The following GRIP2 variants were observed in gnomAD, a reference collection of about 807,000 sequenced individuals.
GRIP2 encodes the protein glutamate receptor interacting protein 2.
In GRIP2, 58 loss-of-function variants were observed where a neutral mutation model predicts 108.3. The observed-to-expected ratio is 0.54, with a 90% CI of 0.43 to 0.67. GRIP2 has a LOEUF of 0.67. GRIP2 is among the 30% of genes least tolerant of loss of function. The pLI, the probability that GRIP2 is intolerant of heterozygous loss-of-function variation, is 0.00. For missense variants in GRIP2, 1,278 were observed against 1,430.6 expected (o/e 0.89, Z 1.72); for synonymous variants, 586 against 598.2 (o/e 0.98, Z 0.30).
chr3:14,519,683 C>T (rs1169140321), intron 9 of GRIP2, among the ~76,000 whole-genome samples: 9 of 152,108 alleles, frequency 5.9e-5, no homozygotes, highest in Admixed American at 2.0e-4. Flanking sequence ...GCTCCCTGCT[C>T]ATAGCTGGGA....
the GRIP2 span, among the ~76,000 whole-genome samples, chr3:14,583,696 C>T: frequency 6.6e-6 from 1 of 152,226 alleles, no homozygotes. Flanking sequence ...CAGAGGCCTG[C>T]TTCTAAGCTA....
At chr3:14,576,747 G>A in the GRIP2 span, among the ~76,000 whole-genome samples, 3 of 152,228 alleles carry the variant, frequency 2.0e-5, no homozygotes, top group South Asian at 2.1e-4. Flanking sequence ...TCTTCAGGCC[G>A]TAGGTTCCAT....
upstream of GRIP2, chr3:14,542,140 C>G: frequency 1.8e-6 from 2 of 1,100,288 alleles, no homozygotes; most frequent in Non-Finnish European, 2.4e-6. Flanking sequence ...CTCTTTCTCT[C>G]TTTTTATTTT....
chr3:14,580,731 A>ATT, the GRIP2 span, among the ~76,000 whole-genome samples: 2 of 152,140 alleles, frequency 1.3e-5, no homozygotes, highest in African/African-American at 4.8e-5. Flanking sequence ...AAAAAACCCA[A>ATT]AAACCCACTT....
chr3:14,524,754 G>A (rs895970158), intron 3 of GRIP2, among the ~76,000 whole-genome samples: 1 of 152,154 alleles, frequency 6.6e-6, no homozygotes, highest in African/African-American at 2.4e-5. Context: ...TTCCCCCTTC[G>A]CTGGTCTGCC....
rs1258343872 is a variant in GRIP2 at position 14,506,960 on chromosome 3, A to C, written c.2239T>G (p.Ser747Ala). Reference sequence around the variant, plus strand: ...TCACTGGTCTCACTGAGGCTGCCCGACTTGCGGGGTAGGAGGGGACCTGGG... The same window carrying C: ...TCACTGGTCTCACTGAGGCTGCCCGCCTTGCGGGGTAGGAGGGGACCTGGG... ...QLDRPLLPRK[S>A]GSLSETSDAD... The change falls in exon 19 of 24, where the codon TCG (serine) becomes GCG (alanine). Residue 747 changes from serine to alanine, a missense_variant. Transcript: ENST00000621039. The C allele has an allele frequency of 6.2e-7, 1 of 1,605,384 alleles. No homozygotes were observed. The highest frequency in any genetic ancestry group is 1.3e-5 in the African/African-American group (1 of 74,788).
In GRIP2 at chr3:14,517,806, G is replaced by A. The variant is rs139277068; in HGVS notation, c.1122C>T (p.Thr374=). Residue 374 remains threonine, a synonymous_variant, in exon 10 of 24, where the codon ACC becomes ACT. Coordinates refer to ENST00000621039, the MANE Select transcript of GRIP2 (RefSeq NM_001080423.4). Reference sequence around the variant, plus strand: ...GGTCCTGGCCAGCAGGTGTGGCCCAGGTGGGCATCCTGCAGTGGCCGGGCC... The same window carrying A: ...GGTCCTGGCCAGCAGGTGTGGCCCAAGTGGGCATCCTGCAGTGGCCGGGCC... ...SPRPGHCRMP[T]WATPAGQDQS... 14,312 of 1,608,438 alleles carry A rather than the reference G, an allele frequency of 8.9e-3. 121 individuals are homozygous for A. The highest frequency in any genetic ancestry group is 0.019 in the Middle Eastern group (116 of 5,998).
rs894910491 is a variant in GRIP2, at chr3:14,507,589, G to A, written c.2190C>T (p.Val730=). Residue 730 remains valine, a synonymous_variant, in exon 18 of 24, where the codon GTC becomes GTT. Coordinates refer to ENST00000621039, the MANE Select transcript of GRIP2 (RefSeq NM_001080423.4). The surrounding 1 kb of genome is among the most constrained non-coding windows in gnomAD (Gnocchi z 4.6). ...IHLLQVAGET[V]TLKIKKQLDR... ...CTAGTTGCTTCTTGATCTTCAGTGT[G>A]ACGGTCTCTCCAGCCACCTGCAGGA... 6.2e-7 allele frequency: 1 copy of A among 1,613,972 alleles called. No homozygotes were observed. Among genetic ancestry groups the A allele is most frequent in the Non-Finnish European group, 8.5e-7 (1 of 1,179,836 alleles).
upstream of GRIP2, among the ~76,000 whole-genome samples, chr3:14,558,351 C>T (rs114859709): frequency 0.017 from 2,549 of 152,224 alleles, 80 homozygotes; most frequent in African/African-American, 0.058. Flanking sequence ...CTGGCTTAGC[C>T]CAGGGAGGGC....
chr3:14,599,711 GTT>G, the GRIP2 span, among the ~76,000 whole-genome samples: 58 of 148,604 alleles, frequency 3.9e-4, no homozygotes, highest in African/African-American at 1.3e-3. Flanking sequence ...GTGTGTGTGT[GTT>G]TGTGTGTGTG....
intron 1 of GRIP2, among the ~76,000 whole-genome samples, chr3:14,539,863 C>T (rs1694919318): frequency 6.6e-6 from 1 of 152,188 alleles, no homozygotes; most frequent in South Asian, 2.1e-4. Flanking sequence ...CTCACCACCA[C>T]CTTGCCCATG....
chr3:14,513,314 G>A (rs576633276), intron 13 of GRIP2, among the ~76,000 whole-genome samples: 1 of 152,320 alleles, frequency 6.6e-6, no homozygotes, highest in South Asian at 2.1e-4. Context: ...ACAGTGGAGG[G>A]AGTGTCCTGT....
chr3:14,568,247 G>A, the GRIP2 span, among the ~76,000 whole-genome samples: 1 of 152,212 alleles, frequency 6.6e-6, no homozygotes, highest in Non-Finnish European at 1.5e-5. Flanking sequence ...TGAGGAGGGA[G>A]TGAGGGTGGA....
the GRIP2 span, among the ~76,000 whole-genome samples, chr3:14,598,151 TG>T: frequency 6.6e-6 from 1 of 150,530 alleles, no homozygotes; most frequent in East Asian, 2.0e-4. Context: ...ACACAGGACC[TG>T]GGGCAATGAA....
Position 14,511,086 on chromosome 3 carries a change from G to C in GRIP2, c.1933+79C>G. 1 of 1,535,594 alleles carries C rather than the reference G, an allele frequency of 6.5e-7. No individual in the cohort carries two copies. The highest frequency in any genetic ancestry group is 1.9e-5 in the Admixed American group (1 of 53,370). On this transcript the variant is annotated intron_variant, in intron 16 of 23. Coordinates refer to ENST00000621039, the MANE Select transcript of GRIP2 (RefSeq NM_001080423.4). This position sits in a 1 kb window ranked among gnomAD's most constrained non-coding sequence, Gnocchi z 4.1. ...CCACCCTCCCTTCCTCGGCTGGAGG[G>C]AGCCCTGAATTGCAAGCTGGGAACC...
At chr3:14,506,778 G>A (rs1161797037) in intron 19 of GRIP2, 23 bp downstream of exon 19, 2 of 1,560,538 alleles carry the variant, frequency 1.3e-6, no homozygotes, top group Non-Finnish European at 1.7e-6. Context: ...CGTGCCACTT[G>A]TCCAAGGGCC....
rs1296381513 is a variant in GRIP2, at chr3:14,492,636, A to T, written c.*1029T>A. 1 of 151,968 alleles carries T rather than the reference A, an allele frequency of 6.6e-6. No homozygotes were observed. The highest frequency in any genetic ancestry group is 1.9e-4 in the East Asian group (1 of 5,172). 9.4% of individuals were successfully genotyped at this position (151,968 alleles called of 1,614,324 possible). On this transcript the variant is annotated 3_prime_UTR_variant, in exon 24 of 24. Transcript: ENST00000621039. Reference sequence around the variant, plus strand: ...CCCTCCCTCTTTCTCCTCTTCCTCCACTGATCTGGCTGTAAAGAGGAGCGC... The same window carrying T: ...CCCTCCCTCTTTCTCCTCTTCCTCCTCTGATCTGGCTGTAAAGAGGAGCGC...
chr3:14,556,336 T>A (rs535145602), upstream of GRIP2, among the ~76,000 whole-genome samples: 1 of 152,174 alleles, frequency 6.6e-6, no homozygotes, highest in Non-Finnish European at 1.5e-5. Context: ...TGTTTGATAC[T>A]TCCAGGCCTT....
the GRIP2 span, among the ~76,000 whole-genome samples, chr3:14,596,039 G>A: frequency 7.9e-5 from 12 of 152,268 alleles, 1 homozygote; most frequent in Admixed American, 2.0e-4. Flanking sequence ...CCTACAAAGT[G>A]AGAGGGGCTA....
Sources: gnomAD v4.1 joint callset for allele counts (sites outside exome capture counted in the v4.1 genomes callset) on GRCh38, gnomAD v4.1.1 for gene constraint, Gnocchi (gnomAD v3.1) non-coding constraint, MANE v1.5 for transcripts, NCBI Gene and HGNC (gene_info 2026-07-23, HGNC 2026-07-21) for gene names.